The following PPP2R5D variants were observed in gnomAD, a reference collection of about 807,000 sequenced individuals.
PPP2R5D encodes protein phosphatase 2 regulatory subunit B'delta.
In PPP2R5D, 12 loss-of-function variants were observed where a neutral mutation model predicts 79.1. That is an observed-to-expected ratio of 0.15 (90% CI 0.10 to 0.25). The LOEUF is 0.25. PPP2R5D is among the 10% of genes least tolerant of loss of function. The probability of loss-of-function intolerance (pLI) is 1.00; values close to 1 mark genes in which losing one functional copy is unlikely to be tolerated. For missense variants in PPP2R5D, 419 were observed against 760.2 expected (o/e 0.55, Z 5.28); for synonymous variants, 277 against 286.6 (o/e 0.97, Z 0.34).
chr6:43,007,896 G>A lies in PPP2R5D; in HGVS notation c.727-39G>A. The A allele has an allele frequency of 6.2e-7, 1 of 1,610,810 alleles. No homozygotes were observed. The highest frequency in any genetic ancestry group is 8.5e-7 in the Non-Finnish European group (1 of 1,177,460). ...ACCCTGGCCACTGCCTTCCCTGGCTGCTGCCTCACTGGCTGCTTTCCCTCC... is the reference window on the plus strand; with the variant it reads ...ACCCTGGCCACTGCCTTCCCTGGCTACTGCCTCACTGGCTGCTTTCCCTCC... On this transcript the variant is annotated intron_variant, in intron 6 of 15. Coordinates refer to ENST00000485511, the MANE Select transcript of PPP2R5D (RefSeq NM_006245.4). The surrounding 1 kb of genome is among the most constrained non-coding windows in gnomAD (Gnocchi z 4.5).
chr6:43,002,145 A>G (rs1331908383), intron 2 of PPP2R5D, among the ~76,000 whole-genome samples: 1 of 151,360 alleles, frequency 6.6e-6, no homozygotes, highest in African/African-American at 2.4e-5. Flanking sequence ...ACCAAGCTCC[A>G]CAGATAAGGG....
intron 2 of PPP2R5D, among the ~76,000 whole-genome samples, chr6:42,996,976 G>A (rs1771741518): frequency 6.6e-6 from 1 of 151,808 alleles, no homozygotes; most frequent in Non-Finnish European, 1.5e-5. Context: ...ACTTTCTATA[G>A]TGCTTAAATT....
At chr6:42,986,914 C>G (rs1181861497) in intron 1 of PPP2R5D, among the ~76,000 whole-genome samples, 1 of 152,046 alleles carries the variant, frequency 6.6e-6, no homozygotes, top group Non-Finnish European at 1.5e-5. Context: ...GGTTTTTCTG[C>G]TCTTGATTTT....
intron 2 of PPP2R5D, among the ~76,000 whole-genome samples, chr6:42,997,492 GT>G (rs1771784875): frequency 6.9e-6 from 1 of 144,242 alleles, no homozygotes; most frequent in African/African-American, 2.6e-5. Flanking sequence ...GTGCCTGGCC[GT>G]TTTTATTTTT....
chr6:43,006,933 G>A lies in PPP2R5D; in HGVS notation c.345G>A (p.Glu115=), dbSNP rs777356659. ...CAGATTCGCCAACCCAGGAGCGGGAGGAGCTGTTTATCCAGAAGCTACGCC... is the reference window on the plus strand; with the variant it reads ...CAGATTCGCCAACCCAGGAGCGGGAAGAGCTGTTTATCCAGAAGCTACGCC... ...ALKDSPTQER[E]ELFIQKLRQC... is the part of the protein sequence containing the mutation. Residue 115 remains glutamate, a synonymous_variant, in exon 4 of 16, where the codon GAG becomes GAA. Coordinates refer to ENST00000485511, the MANE Select transcript of PPP2R5D (RefSeq NM_006245.4). This position sits in a 1 kb window ranked among gnomAD's most constrained non-coding sequence, Gnocchi z 4.7. 3.1e-6 allele frequency: 5 copies of A among 1,613,996 alleles called. No individual in the cohort carries two copies. Among genetic ancestry groups the A allele is most frequent in the Admixed American group, 3.3e-5 (2 of 59,992 alleles).
chr6:43,000,092 C>A (rs956713015), intron 2 of PPP2R5D, among the ~76,000 whole-genome samples: 4 of 151,870 alleles, frequency 2.6e-5, no homozygotes, highest in Non-Finnish European at 4.4e-5. Context: ...CCCGCCACCA[C>A]GCCCAGCTAA....
intron 2 of PPP2R5D, among the ~76,000 whole-genome samples, chr6:42,994,835 A>G (rs1771524973): frequency 6.6e-6 from 1 of 151,590 alleles, no homozygotes; most frequent in African/African-American, 2.4e-5. Flanking sequence ...AAAAAAAAAA[A>G]TTAATGTCAT....
chr6:42,987,685 G>A (rs370877421), intron 1 of PPP2R5D, among the ~76,000 whole-genome samples: 16 of 152,266 alleles, frequency 1.1e-4, no homozygotes, highest in Admixed American at 3.3e-4. Context: ...CTGTTCTGCA[G>A]GAGCCAGGGA....
chr6:42,989,835 C>T (rs1001651010), intron 2 of PPP2R5D, 147 bp downstream of exon 2: 1 of 720,322 alleles, frequency 1.4e-6, no homozygotes, highest in South Asian at 1.9e-5. Context: ...TCCAGACTGC[C>T]CTCAGGCAGG....
At chr6:43,001,794 G>A (rs1772228855) in intron 2 of PPP2R5D, among the ~76,000 whole-genome samples, 1 of 151,874 alleles carries the variant, frequency 6.6e-6, no homozygotes, top group Non-Finnish European at 1.5e-5. Flanking sequence ...GGCTGAGGCA[G>A]GAGAATTGCT....
At position 43,007,798 on chromosome 6, in the gene PPP2R5D, A is replaced by G. The variant is rs1762169163; in HGVS notation, c.727-137A>G. 9 of 1,124,388 alleles carry G rather than the reference A, an allele frequency of 8.0e-6. No individual in the cohort carries two copies. The highest frequency in any genetic ancestry group is 2.0e-5 in the Admixed American group (1 of 50,794). The allele number at this position is 1,124,388 out of a possible 1,614,324, so 69.7% of individuals were successfully genotyped here. A position where few individuals can be genotyped will look rare whatever the true frequency, so the allele number is the denominator to read the frequency against. ...TACAATAGAATCAGCAATATAATAG[A>G]ATCACTGCTTTCTAAGACTTGCTGG... On this transcript the variant is annotated intron_variant, in intron 6 of 15. Transcript: ENST00000485511. This position sits in a 1 kb window ranked among gnomAD's most constrained non-coding sequence, Gnocchi z 4.5.
intron 2 of PPP2R5D, among the ~76,000 whole-genome samples, chr6:42,995,245 C>T (rs1282839653): frequency 2.0e-5 from 3 of 150,944 alleles, no homozygotes; most frequent in Non-Finnish European, 2.9e-5. Flanking sequence ...GATCTTTTCC[C>T]CTCAGCCCCC....
Position 43,011,358 on chromosome 6 carries a change from C to A in PPP2R5D, c.*72C>A. Reference sequence around the variant, plus strand: ...CACTGCCCTGGCCCTCCATACTCTGCTCCCTACTGGCTGTCTTGGGGGAAG... The same window carrying A: ...CACTGCCCTGGCCCTCCATACTCTGATCCCTACTGGCTGTCTTGGGGGAAG... On this transcript the variant is annotated 3_prime_UTR_variant, in exon 16 of 16. Coordinates refer to ENST00000485511, the MANE Select transcript of PPP2R5D (RefSeq NM_006245.4). 6.3e-7 allele frequency: 1 copy of A among 1,587,870 alleles called. No individual in the cohort carries two copies.
chr6:42,988,156 T>A (rs1475187207), intron 1 of PPP2R5D, among the ~76,000 whole-genome samples: 2 of 152,060 alleles, frequency 1.3e-5, no homozygotes, highest in Admixed American at 1.3e-4. Context: ...CACACAGAGC[T>A]CTCTTCTCCC....
At chr6:43,001,069 G>A (rs1424272894) in intron 2 of PPP2R5D, among the ~76,000 whole-genome samples, 2 of 152,246 alleles carry the variant, frequency 1.3e-5, no homozygotes, top group Non-Finnish European at 2.9e-5. Flanking sequence ...GGGCTGGAAA[G>A]ATCTGAGAAG....
intron 2 of PPP2R5D, among the ~76,000 whole-genome samples, chr6:42,995,913 T>C (rs1489804809): frequency 6.7e-6 from 1 of 149,360 alleles, no homozygotes; most frequent in Non-Finnish European, 1.5e-5. Flanking sequence ...CAGGCTGGAG[T>C]GCAGTGGCGC....
In PPP2R5D at chr6:43,009,126, C is replaced by G; in HGVS notation, c.1150C>G (p.Leu384Val). 6.2e-7 allele frequency: 1 copy of G among 1,614,116 alleles called. No individual in the cohort carries two copies. The highest frequency in any genetic ancestry group is 8.5e-7 in the Non-Finnish European group (1 of 1,180,012). The stretch of plus-strand genomic sequence containing the variant: ...CAAGGAGGTGATGTTCTTGAATGAG[C>G]TGGAGGAGATTCTGGACGTCATTGA... ...SPKEVMFLNE[L>V]EEILDVIEPS... is the part of the protein sequence containing the mutation. The change falls in exon 11 of 16, where the codon CTG becomes GTG. Residue 384 changes from leucine (L) to valine (V), a missense_variant. Leu to Val is a conservative substitution (Grantham distance 32). This residue lies in a region of PPP2R5D where 196 missense variants were observed against 424.5 expected (regional missense o/e 0.46). Coordinates refer to ENST00000485511, the MANE Select transcript of PPP2R5D (RefSeq NM_006245.4). This position sits in a 1 kb window ranked among gnomAD's most constrained non-coding sequence, Gnocchi z 5.6.
chr6:42,986,746 T>C (rs985253130), intron 1 of PPP2R5D, among the ~76,000 whole-genome samples: 1 of 151,904 alleles, frequency 6.6e-6, no homozygotes, highest in African/African-American at 2.4e-5. Flanking sequence ...TTGGACTAGA[T>C]ACTGTCCCAT....
rs1369550378 is a variant in PPP2R5D, at chr6:43,010,723, G to A, written c.1541G>A (p.Arg514Gln). Residue 514 changes from arginine to glutamine, a missense_variant, in exon 14 of 16, where the codon CGG becomes CAG. By Grantham distance (43) the Arg-to-Gln change is conservative. This residue lies in a region of PPP2R5D where 196 missense variants were observed against 424.5 expected (regional missense o/e 0.46). Coordinates refer to ENST00000485511, the MANE Select transcript of PPP2R5D (RefSeq NM_006245.4). The surrounding 1 kb of genome is among the most constrained non-coding windows in gnomAD (Gnocchi z 4.7). ...TGGCAAAAAATCGAGGAGCTGGCCC[G>A]GCTTAATCCCCAGGTGAGGTTTTCC... Reference protein sequence around the residue: ...EMWQKIEELARLNPQYPMFRA... With the variant: ...EMWQKIEELAQLNPQYPMFRA... The A allele has an allele frequency of 5.0e-6, 8 of 1,613,824 alleles. No individual in the cohort carries two copies. The South Asian group carries it at 5.5e-5, about 11-fold the overall frequency.
Sources: allele counts gnomAD v4.1 joint callset (sites outside exome capture counted in the v4.1 genomes callset), GRCh38; gene constraint gnomAD v4.1.1; regional missense constraint gnomAD v4.1.1; non-coding constraint Gnocchi (gnomAD v3.1); transcripts MANE v1.5; gene names NCBI Gene and HGNC (gene_info 2026-07-23, HGNC 2026-07-21).